ARB2A: variants seen among roughly 807,000 people sequenced by gnomAD.
ARB2A encodes the protein cotranscriptional regulator ARB2A.
chr5:93,940,548 TA>T, the ARB2A span, among the ~76,000 whole-genome samples: 1 of 152,042 alleles, frequency 6.6e-6, no homozygotes, highest in Non-Finnish European at 1.5e-5. Context: ...GTGAAATTAA[TA>T]TTTTTTAAAT....
At chr5:93,780,536 T>TCCTCC in the ARB2A span, among the ~76,000 whole-genome samples, 2 of 127,166 alleles carry the variant, frequency 1.6e-5, no homozygotes, top group South Asian at 2.3e-4. Context: ...TTCTCCCATC[T>TCCTCC]CCTCCCCTCC....
the ARB2A span, among the ~76,000 whole-genome samples, chr5:93,753,344 G>C: frequency 6.6e-6 from 1 of 152,204 alleles, no homozygotes; most frequent in Non-Finnish European, 1.5e-5. Context: ...ATAAAGTGAA[G>C]TGACTATTTA....
chr5:93,974,772 G>A, the ARB2A span, among the ~76,000 whole-genome samples: 53 of 152,066 alleles, frequency 3.5e-4, no homozygotes, highest in African/African-American at 1.2e-3. Context: ...TGAATCATAC[G>A]AAACATCTTC....
At chr5:93,648,567 T>C in the ARB2A span, among the ~76,000 whole-genome samples, 1 of 152,314 alleles carries the variant, frequency 6.6e-6, no homozygotes, top group South Asian at 2.1e-4. Flanking sequence ...GTAAAAGAGT[T>C]GATGGAGAGG....
At chr5:94,077,160 A>T in the ARB2A span, among the ~76,000 whole-genome samples, 1 of 151,924 alleles carries the variant, frequency 6.6e-6, no homozygotes, top group Non-Finnish European at 1.5e-5. Flanking sequence ...AGATCACGAC[A>T]TCAGGAGATG....
the ARB2A span, among the ~76,000 whole-genome samples, chr5:93,933,163 A>T: frequency 1.3e-5 from 2 of 152,212 alleles, 1 homozygote; most frequent in South Asian, 4.1e-4. Flanking sequence ...CAGATACTGG[A>T]GAGGATGTAG....
chr5:93,725,074 C>T, the ARB2A span, among the ~76,000 whole-genome samples: 4 of 152,050 alleles, frequency 2.6e-5, no homozygotes, highest in Non-Finnish European at 2.9e-5. Context: ...TAGAATGATG[C>T]ACAACTTAAA....
the ARB2A span, among the ~76,000 whole-genome samples, chr5:93,855,464 AGT>A: frequency 6.6e-6 from 1 of 152,060 alleles, no homozygotes; most frequent in Non-Finnish European, 1.5e-5. Context: ...TTGCATTTAA[AGT>A]TAATATTGTT....
the ARB2A span, among the ~76,000 whole-genome samples, chr5:94,042,314 CTTTTTTTTTTTTTT>C: frequency 9.7e-6 from 1 of 103,068 alleles, no homozygotes; most frequent in Non-Finnish European, 1.9e-5. Context: ...AAAAGATCAG[CTTTTTTTTTTTTTT>C]TTTTTTTTTG....
At chr5:93,912,442 GTTT>G in the ARB2A span, among the ~76,000 whole-genome samples, 16 of 151,672 alleles carry the variant, frequency 1.1e-4, no homozygotes, top group Non-Finnish European at 1.9e-4. Context: ...TCCATTTTGA[GTTT>G]TTATTTCATT....
chr5:93,953,153 G>A, the ARB2A span, among the ~76,000 whole-genome samples: 3 of 152,164 alleles, frequency 2.0e-5, no homozygotes, highest in Admixed American at 6.5e-5. Context: ...GGTCTCTGGT[G>A]CATTGTTTAG....
chr5:94,041,712 A>C, the ARB2A span, among the ~76,000 whole-genome samples: 3 of 152,168 alleles, frequency 2.0e-5, no homozygotes, highest in Admixed American at 2.0e-4. Context: ...AAGTTTCCTA[A>C]ATGCTTTCAG....
chr5:93,677,778 G>A, the ARB2A span, among the ~76,000 whole-genome samples: 1 of 152,144 alleles, frequency 6.6e-6, no homozygotes, highest in South Asian at 2.1e-4. Flanking sequence ...CTTATGCTTA[G>A]GGATAAGCAA....
the ARB2A span, chr5:93,958,950 C>A: frequency 6.3e-7 from 1 of 1,595,052 alleles, no homozygotes; most frequent in South Asian, 1.2e-5. Context: ...CTCTTTGGTT[C>A]ACTCTCAGTG....
At chr5:93,691,118 T>C in the ARB2A span, among the ~76,000 whole-genome samples, 1 of 151,958 alleles carries the variant, frequency 6.6e-6, no homozygotes, top group South Asian at 2.1e-4. Context: ...ATGCCTCTCC[T>C]CCTCCAAATG....
chr5:93,979,360 G>A, the ARB2A span, among the ~76,000 whole-genome samples: 1 of 152,032 alleles, frequency 6.6e-6, no homozygotes, highest in African/African-American at 2.4e-5. Context: ...AACAAATTTA[G>A]TATTACACCA....
chr5:93,627,049 G>A, the ARB2A span, among the ~76,000 whole-genome samples: 1 of 152,114 alleles, frequency 6.6e-6, no homozygotes, highest in African/African-American at 2.4e-5. Context: ...ACCTTCACCA[G>A]GAATACATTC....
chr5:93,954,434 T>C, the ARB2A span, among the ~76,000 whole-genome samples: 4 of 151,950 alleles, frequency 2.6e-5, no homozygotes, highest in African/African-American at 7.3e-5. Context: ...GTGTCTGGAA[T>C]AGGAGCCTCA....
At chr5:93,998,272 A>G in the ARB2A span, among the ~76,000 whole-genome samples, 8 of 152,128 alleles carry the variant, frequency 5.3e-5, no homozygotes, top group South Asian at 1.7e-3. Flanking sequence ...TGTGGGGTAG[A>G]AGGAGTATCA....
Sources: allele counts gnomAD v4.1 joint callset (sites outside exome capture counted in the v4.1 genomes callset), GRCh38; gene constraint gnomAD v4.1.1; transcripts MANE v1.5; gene names NCBI Gene and HGNC (gene_info 2026-07-23, HGNC 2026-07-21).